The following ALPL variants were observed in gnomAD, a reference collection of about 807,000 sequenced individuals.
ALPL encodes the protein alkaline phosphatase, tissue-nonspecific isozyme.
Under a neutral mutation model 51.3 loss-of-function variants are expected in ALPL, and 42 were observed. That is an observed-to-expected ratio of 0.82 (90% CI 0.64 to 1.06). The LOEUF (loss-of-function observed/expected upper bound fraction) is 1.06, where lower values mean the gene tolerates loss of function less well. Ranked by LOEUF, ALPL falls within the 50% of genes least tolerant of loss-of-function variation. The probability of loss-of-function intolerance (pLI) is 0.00; values close to 1 mark genes in which losing one functional copy is unlikely to be tolerated. For synonymous variants in ALPL, 279 were observed against 296.4 expected (o/e 0.94, Z 0.60); for missense variants, 589 against 709.4 (o/e 0.83, Z 1.93).
chr1:21,526,502 A>G (rs1304281884), intron 1 of ALPL, among the ~76,000 whole-genome samples: 1 of 152,098 alleles, frequency 6.6e-6, no homozygotes, highest in Admixed American at 6.6e-5. Context: ...GGTGTTTTTA[A>G]TCATTCAGTT....
intron 2 of ALPL, among the ~76,000 whole-genome samples, chr1:21,560,333 C>T (rs1558547007): frequency 6.6e-6 from 1 of 152,362 alleles, no homozygotes; most frequent in East Asian, 1.9e-4. Flanking sequence ...AAACCCAGCC[C>T]TGCCAGTGTC....
At chr1:21,552,128 T>TTCCCC (rs1644338256) in intron 1 of ALPL, among the ~76,000 whole-genome samples, 2 of 10,822 alleles carry the variant, frequency 1.8e-4, no homozygotes, top group African/African-American at 3.3e-4. Context: ...CTTTCCTCCC[T>TTCCCC]CCCCTCCCCT....
intron 1 of ALPL, among the ~76,000 whole-genome samples, chr1:21,517,420 G>C (rs909199755): frequency 8.5e-5 from 13 of 152,300 alleles, no homozygotes; most frequent in African/African-American, 2.9e-4. Context: ...ATTCAAATTT[G>C]CATGTTTGGA....
rs540299799 is a variant in ALPL, at chr1:21,554,029, C to A, written c.-53C>A. The A allele has an allele frequency of 1.6e-5, 22 of 1,367,572 alleles. No individual in the cohort carries two copies. The Admixed American group carries it at 1.9e-4, about 12-fold the overall frequency. The allele number at this position is 1,367,572 out of a possible 1,614,324, so 84.7% of individuals were successfully genotyped here. A position where few individuals can be genotyped will look rare whatever the true frequency, so the allele number is the denominator to read the frequency against. ...CACTGCCAGCCCACCCCCTCCCACCCACGTCGATTGCATCTCTGGGCTCCA... is the reference window on the plus strand; with the variant it reads ...CACTGCCAGCCCACCCCCTCCCACCAACGTCGATTGCATCTCTGGGCTCCA... On this transcript the variant is annotated 5_prime_UTR_variant, in exon 2 of 12. Coordinates refer to ENST00000374840, the MANE Select transcript of ALPL (RefSeq NM_000478.6).
intron 8 of ALPL, among the ~76,000 whole-genome samples, chr1:21,571,104 A>G (rs1178625549): frequency 6.6e-6 from 1 of 152,166 alleles, no homozygotes; most frequent in African/African-American, 2.4e-5. Flanking sequence ...TGGGCTGTGC[A>G]TGCACCCGTG....
At chr1:21,554,217 T>A in intron 2 of ALPL, 75 bp downstream of exon 2, 1 of 1,461,296 alleles carries the variant, frequency 6.8e-7, no homozygotes, top group Non-Finnish European at 9.6e-7. Flanking sequence ...GTCTATGTTT[T>A]AAGGTCCCAG....
At chr1:21,525,141 T>A (rs1643925336) in intron 1 of ALPL, among the ~76,000 whole-genome samples, 1 of 152,254 alleles carries the variant, frequency 6.6e-6, no homozygotes, top group South Asian at 2.1e-4. Flanking sequence ...CTGGCCTGCC[T>A]GCCCCACTTC....
chr1:21,522,919 C>A (rs1223244242), intron 1 of ALPL, among the ~76,000 whole-genome samples: 1 of 152,180 alleles, frequency 6.6e-6, no homozygotes, highest in Non-Finnish European at 1.5e-5. Flanking sequence ...ATCATTTAAT[C>A]CTCATATCAG....
At chr1:21,560,124 C>T (rs983319442) in intron 2 of ALPL, among the ~76,000 whole-genome samples, 1 of 152,214 alleles carries the variant, frequency 6.6e-6, no homozygotes, top group Non-Finnish European at 1.5e-5. Context: ...AAGTCAGGTT[C>T]CTGCTGAGCC....
chr1:21,552,783 A>G (rs771360841), intron 1 of ALPL, among the ~76,000 whole-genome samples: 7 of 152,228 alleles, frequency 4.6e-5, no homozygotes, highest in Non-Finnish European at 8.8e-5. Flanking sequence ...TAATTGGACT[A>G]GAGTGGTGTC....
chr1:21,561,149 C>G lies in ALPL; in HGVS notation c.234C>G (p.His78Gln), dbSNP rs1375160574. ...CCCGCATCCTCAAGGGTCAGCTCCA[C>G]CACAACCCTGGGGAGGAGACCAGGC... ...TAARILKGQL[H>Q]HNPGEETRLE... Residue 78 changes from histidine (H) to glutamine (Q), a missense_variant, in exon 4 of 12, where the codon CAC becomes CAG. Physicochemically the swap from His to Gln is conservative, Grantham distance 24. Transcript: ENST00000374840. The G allele has an allele frequency of 3.7e-6, 6 of 1,613,658 alleles. No individual in the cohort carries two copies. Among genetic ancestry groups the G allele is most frequent in the Non-Finnish European group, 5.1e-6 (6 of 1,179,892 alleles).
intron 1 of ALPL, among the ~76,000 whole-genome samples, chr1:21,544,109 G>C (rs1644224334): frequency 6.6e-6 from 1 of 152,208 alleles, no homozygotes; most frequent in Non-Finnish European, 1.5e-5. Flanking sequence ...ACCTGTAAAG[G>C]GGGACAGCTC....
At chr1:21,554,932 TTTCTTTTTCTTTCC>T (rs1294365378) in intron 2 of ALPL, among the ~76,000 whole-genome samples, 24 of 150,896 alleles carry the variant, frequency 1.6e-4, no homozygotes, top group Admixed American at 5.3e-4. Flanking sequence ...CTTTCTTTCT[TTTCTTTTTCTTTCC>T]TTTCTTTCCT....
At position 21,571,439 on chromosome 1, in the gene ALPL, G is replaced by A. The variant is rs185916603; in HGVS notation, c.862+1065G>A. Among the ~76,000 whole-genome samples the A allele has an allele frequency of 2.4e-4, 37 of 151,028 alleles. 1 individual carries two copies. The highest frequency in any genetic ancestry group is 1.4e-3 in the Admixed American group (22 of 15,186). On this transcript the variant is annotated intron_variant, in intron 8 of 11. Coordinates refer to ENST00000374840, the MANE Select transcript of ALPL (RefSeq NM_000478.6). ...TGTAATCCCAGCACTTTGGGAGGCC[G>A]AGGTGGGCGGAGCACAAGGTCAGGA...
chr1:21,511,836 G>A (rs1199686352), intron 1 of ALPL, among the ~76,000 whole-genome samples: 2 of 152,188 alleles, frequency 1.3e-5, no homozygotes, highest in African/African-American at 4.8e-5. Context: ...CTGCAAGCTG[G>A]ATATGATCTT....
At chr1:21,529,029 A>T (rs1402607083) in intron 1 of ALPL, among the ~76,000 whole-genome samples, 1 of 150,668 alleles carries the variant, frequency 6.6e-6, no homozygotes. Context: ...AGATTATGCC[A>T]CTGCACTCCA....
intron 1 of ALPL, among the ~76,000 whole-genome samples, chr1:21,525,951 G>T (rs1373121142): frequency 6.6e-6 from 1 of 152,064 alleles, no homozygotes; most frequent in African/African-American, 2.4e-5. Context: ...TGGCACCATT[G>T]CACTCCAGCC....
intron 1 of ALPL, among the ~76,000 whole-genome samples, chr1:21,534,254 G>A (rs1486059405): frequency 6.6e-6 from 1 of 152,204 alleles, no homozygotes; most frequent in Non-Finnish European, 1.5e-5. Flanking sequence ...GGGATTACAC[G>A]TGTCAGCCAC....
At chr1:21,550,189 G>A (rs779407398) in intron 1 of ALPL, among the ~76,000 whole-genome samples, 8 of 152,178 alleles carry the variant, frequency 5.3e-5, no homozygotes, top group Non-Finnish European at 7.3e-5. Flanking sequence ...GGTGGCGGTG[G>A]TGGTTACATA....
Sources: allele counts gnomAD v4.1 joint callset (sites outside exome capture counted in the v4.1 genomes callset), GRCh38; gene constraint gnomAD v4.1.1; transcripts MANE v1.5; gene names NCBI Gene and HGNC (gene_info 2026-07-23, HGNC 2026-07-21).